The following AFF1 variants were observed in gnomAD, a reference collection of about 807,000 sequenced individuals.
The protein encoded by AFF1 is AF4/FMR2 family member 1.
AFF1 carries 48 observed loss-of-function variants against 121.7 expected under a neutral mutation model. The observed-to-expected ratio is 0.39, with a 90% CI of 0.31 to 0.50. The LOEUF is 0.50. Ranked by LOEUF, AFF1 falls within the 20% of genes least tolerant of loss-of-function variation. The pLI is 0.76. For synonymous variants in AFF1, 613 were observed against 563.0 expected (o/e 1.09, Z -1.26); for missense variants, 1,523 against 1,511.7 (o/e 1.01, Z -0.12).
intron 4 of AFF1, among the ~76,000 whole-genome samples, chr4:87,055,720 T>G (rs574961305): frequency 6.8e-4 from 104 of 152,232 alleles, no homozygotes; most frequent in Non-Finnish European, 1.3e-3. Context: ...TGTTGATGAC[T>G]GAGTTAGTGG....
chr4:87,104,625 C>T (rs890482409), intron 8 of AFF1, among the ~76,000 whole-genome samples: 3 of 152,120 alleles, frequency 2.0e-5, no homozygotes, highest in Admixed American at 6.5e-5. Context: ...CCAGGATTTC[C>T]AAAGACACCA....
intron 2 of AFF1, among the ~76,000 whole-genome samples, chr4:86,965,513 T>C (rs1327744775): frequency 1.3e-5 from 2 of 152,206 alleles, no homozygotes; most frequent in Non-Finnish European, 2.9e-5. Context: ...CCCCTCTTCA[T>C]TTTGCATTCT....
chr4:87,078,069 A>C (rs1722843666), intron 4 of AFF1, among the ~76,000 whole-genome samples: 1 of 152,200 alleles, frequency 6.6e-6, no homozygotes, highest in Non-Finnish European at 1.5e-5. Flanking sequence ...GTAGCACTTA[A>C]TCCTCCTACC....
At position 87,001,506 on chromosome 4, in the gene AFF1, G is replaced by T. The variant is rs532663985; in HGVS notation, c.39-44660G>T. ...GTCGGGATTACAGGCGTGAGCCACC[G>T]CGCCCGGCTCGTGCTTTTCTTTTTC... is the stretch of plus-strand genomic sequence containing the variant. On this transcript the variant is annotated intron_variant, in intron 2 of 20. Coordinates refer to ENST00000395146, the MANE Select transcript of AFF1 (RefSeq NM_001166693.3). Among the ~76,000 whole-genome samples, 16 of 152,206 alleles carry T rather than the reference G, an allele frequency of 1.1e-4. No homozygotes were observed. In the South Asian group the frequency reaches 3.3e-3, roughly 32 times the overall value.
At chr4:87,111,747 A>G (rs1039790224) in intron 11 of AFF1, among the ~76,000 whole-genome samples, 2 of 152,222 alleles carry the variant, frequency 1.3e-5, no homozygotes, top group African/African-American at 4.8e-5. Context: ...ACAACTTAAT[A>G]TTGGGTATAC....
intron 19 of AFF1, among the ~76,000 whole-genome samples, chr4:87,134,197 C>A (rs1351414286): frequency 6.6e-6 from 1 of 152,160 alleles, no homozygotes; most frequent in African/African-American, 2.4e-5. Flanking sequence ...CCTACATATG[C>A]ATACATTACA....
chr4:87,041,381 G>T (rs1056123067), intron 2 of AFF1, among the ~76,000 whole-genome samples: 39 of 152,266 alleles, frequency 2.6e-4, no homozygotes, highest in African/African-American at 8.9e-4. Flanking sequence ...GCCCCAAAAA[G>T]GATGTGCTGT....
intron 2 of AFF1, among the ~76,000 whole-genome samples, chr4:87,034,024 C>G (rs908311853): frequency 6.6e-6 from 1 of 151,982 alleles, no homozygotes; most frequent in Non-Finnish European, 1.5e-5. Flanking sequence ...CAGATGATGA[C>G]GGAACAGATG....
chr4:86,965,160 C>A (rs975672291), intron 2 of AFF1, among the ~76,000 whole-genome samples: 1 of 152,198 alleles, frequency 6.6e-6, no homozygotes, highest in Non-Finnish European at 1.5e-5. Flanking sequence ...AAGACAATTA[C>A]GCATTGTTGA....
intron 2 of AFF1, among the ~76,000 whole-genome samples, chr4:86,991,151 C>A (rs1204587413): frequency 1.4e-4 from 20 of 145,318 alleles, no homozygotes; most frequent in African/African-American, 5.1e-4. Flanking sequence ...AAACAAAAAA[C>A]AAAACAAAAA....
intron 2 of AFF1, among the ~76,000 whole-genome samples, chr4:87,001,303 C>T (rs746862548): frequency 1.4e-4 from 20 of 147,478 alleles, no homozygotes; most frequent in Non-Finnish European, 2.4e-4. Context: ...TGCAACCTCC[C>T]CCTCCCAGGT....
At chr4:87,017,710 C>G (rs1042171264) in intron 2 of AFF1, among the ~76,000 whole-genome samples, 2 of 152,180 alleles carry the variant, frequency 1.3e-5, no homozygotes, top group Non-Finnish European at 2.9e-5. Flanking sequence ...GCCTCACATG[C>G]AAAGATAAGT....
intron 2 of AFF1, among the ~76,000 whole-genome samples, chr4:87,004,734 C>G (rs892418017): frequency 2.0e-5 from 3 of 152,164 alleles, no homozygotes; most frequent in African/African-American, 7.2e-5. Context: ...TTGGGATGCC[C>G]AACCCAAACA....
intron 2 of AFF1, among the ~76,000 whole-genome samples, chr4:87,002,163 G>T (rs1368043123): frequency 6.6e-6 from 1 of 150,602 alleles, no homozygotes; most frequent in Non-Finnish European, 1.5e-5. Flanking sequence ...GAGTGAAGTG[G>T]CTCACTGTAA....
At chr4:87,099,069 C>T (rs1453881632) in intron 8 of AFF1, among the ~76,000 whole-genome samples, 1 of 152,212 alleles carries the variant, frequency 6.6e-6, no homozygotes, top group Non-Finnish European at 1.5e-5. Context: ...ACATGCTTTA[C>T]TTGTAGCATA....
intron 4 of AFF1, among the ~76,000 whole-genome samples, chr4:87,061,796 A>T (rs774474985): frequency 6.6e-6 from 1 of 152,170 alleles, no homozygotes; most frequent in Non-Finnish European, 1.5e-5. Flanking sequence ...GAGAATCCAG[A>T]CATGCAAAAG....
intron 2 of AFF1, among the ~76,000 whole-genome samples, chr4:86,995,800 G>T (rs1325990137): frequency 6.7e-6 from 1 of 150,042 alleles, no homozygotes; most frequent in Non-Finnish European, 1.5e-5. Context: ...GAGCCCTTCT[G>T]CCTGGCTGCC....
At position 87,114,814 on chromosome 4, in the gene AFF1, G is replaced by T. The variant is rs771980948; in HGVS notation, c.1981G>T (p.Ala661Ser). Residue 661 changes from alanine (A) to serine (S), a missense_variant, in exon 12 of 21, where the codon GCA becomes TCA. Ala to Ser is a moderately conservative substitution (Grantham distance 99). Coordinates refer to ENST00000395146, the MANE Select transcript of AFF1 (RefSeq NM_001166693.3). ...GAAGACGAAAGGACGGCCCCGGGCC[G>T]CAGCAAGCAACGAACCCAAGCCAGC... is the stretch of plus-strand genomic sequence containing the variant. Reference protein sequence around the residue: ...KVKTKGRPRAAASNEPKPAVP... With the variant: ...KVKTKGRPRASASNEPKPAVP... 6.2e-7 allele frequency: 1 copy of T among 1,613,654 alleles called. No individual in the cohort carries two copies.
At chr4:86,945,346 G>T (rs112988806) in intron 1 of AFF1, among the ~76,000 whole-genome samples, 1 of 133,250 alleles carries the variant, frequency 7.5e-6, no homozygotes, top group Non-Finnish European at 1.6e-5. Flanking sequence ...TTTTTTTGAG[G>T]CAGGGCCTTG....
Sources: gnomAD v4.1 joint callset for allele counts (sites outside exome capture counted in the v4.1 genomes callset) on GRCh38, gnomAD v4.1.1 for gene constraint, MANE v1.5 for transcripts, NCBI Gene and HGNC (gene_info 2026-07-23, HGNC 2026-07-21) for gene names.